GNA14: variants seen among roughly 807,000 people sequenced by gnomAD.
GNA14 encodes G protein subunit alpha 14.
GNA14 carries 50 observed loss-of-function variants against 42.0 expected under a neutral mutation model. The ratio of observed to expected loss-of-function variants is 1.19; its 90% confidence interval spans 0.95 to 1.51. The LOEUF is 1.51. GNA14 is among the 40% of genes most tolerant of loss of function. GNA14 has a pLI of 0.00. For synonymous variants in GNA14, 173 were observed against 163.1 expected, an observed-to-expected ratio of 1.06 and a Z score of -0.46; for missense variants, 473 against 446.2, an observed-to-expected ratio of 1.06 and a Z score of -0.54.
chr9:77,574,996 G>C (rs1310398014), intron 1 of GNA14, among the ~76,000 whole-genome samples: 1 of 152,194 alleles, frequency 6.6e-6, no homozygotes, highest in East Asian at 1.9e-4. Context: ...TACCCTGTAG[G>C]GGGGAAGTAA....
intron 1 of GNA14, among the ~76,000 whole-genome samples, chr9:77,645,863 G>A (rs1301156746): frequency 6.6e-6 from 1 of 152,098 alleles, no homozygotes; most frequent in Non-Finnish European, 1.5e-5. Context: ...AAATGAAATA[G>A]GGTTCAGCCT....
chr9:77,455,655 T>A (rs1835986209), intron 2 of GNA14, among the ~76,000 whole-genome samples: 1 of 152,240 alleles, frequency 6.6e-6, no homozygotes, highest in Non-Finnish European at 1.5e-5. Context: ...TTACTGTCTC[T>A]GTTCACATGA....
At chr9:77,429,114 G>A in intron 4 of GNA14, 78 bp from the exon 5 acceptor site, 1 of 1,386,748 alleles carries the variant, frequency 7.2e-7, no homozygotes, top group Non-Finnish European at 1.0e-6. Flanking sequence ...ATTATAGCAT[G>A]GAAACCAGTG....
chr9:77,623,406 G>A (rs1823964486), intron 1 of GNA14, among the ~76,000 whole-genome samples: 2 of 152,014 alleles, frequency 1.3e-5, no homozygotes, highest in African/African-American at 2.4e-5. Flanking sequence ...TTGAATTTTT[G>A]TAAGCCCCAT....
chr9:77,545,202 C>T (rs1837706039), intron 1 of GNA14, among the ~76,000 whole-genome samples: 1 of 152,198 alleles, frequency 6.6e-6, no homozygotes, highest in Non-Finnish European at 1.5e-5. Context: ...ACCTAAACCA[C>T]CTTCCTATCC....
chr9:77,623,981 C>T (rs566703351), intron 1 of GNA14, among the ~76,000 whole-genome samples: 1 of 152,296 alleles, frequency 6.6e-6, no homozygotes, highest in Non-Finnish European at 1.5e-5. Context: ...CTCAGAGGAT[C>T]CCACCCTCAT....
At chr9:77,461,017 A>G (rs1481693338) in intron 2 of GNA14, among the ~76,000 whole-genome samples, 1 of 152,218 alleles carries the variant, frequency 6.6e-6, no homozygotes, top group African/African-American at 2.4e-5. Context: ...CTCTAACTCA[A>G]TTTATCTAAG....
chr9:77,609,795 G>A (rs1564065898), intron 1 of GNA14, among the ~76,000 whole-genome samples: 1 of 152,162 alleles, frequency 6.6e-6, no homozygotes, highest in Non-Finnish European at 1.5e-5. Flanking sequence ...TTGAACAAAT[G>A]TGATTTAAAA....
intron 1 of GNA14, among the ~76,000 whole-genome samples, chr9:77,551,862 AGGCGC>A (rs1188422165): frequency 6.6e-6 from 1 of 152,108 alleles, no homozygotes; most frequent in Non-Finnish European, 1.5e-5. Flanking sequence ...AAATTTGGCC[AGGCGC>A]GGTAGCTCAT....
chr9:77,441,942 TTTTCCTATAGAAAATAAACAAGGAAC>T (rs1233460880), intron 2 of GNA14, among the ~76,000 whole-genome samples: 2 of 152,160 alleles, frequency 1.3e-5, no homozygotes, highest in Non-Finnish European at 2.9e-5. Flanking sequence ...AGAAAGGAGT[TTTTCCTATAGAAAATAAACAAGGAAC>T]TTCTGCTTCA....
chr9:77,531,475 C>T (rs778888044), intron 1 of GNA14, among the ~76,000 whole-genome samples: 3 of 152,182 alleles, frequency 2.0e-5, no homozygotes, highest in Non-Finnish European at 2.9e-5. Flanking sequence ...GCTCTCTACT[C>T]CTGCAGCATC....
intron 2 of GNA14, among the ~76,000 whole-genome samples, chr9:77,495,274 A>C (rs557991850): frequency 7.2e-5 from 11 of 152,266 alleles, no homozygotes; most frequent in African/African-American, 2.6e-4. Flanking sequence ...TCCAAAAAAA[A>C]AAGCCCTGAA....
intron 1 of GNA14, among the ~76,000 whole-genome samples, chr9:77,567,292 G>T (rs1169696731): frequency 6.6e-6 from 1 of 152,012 alleles, no homozygotes; most frequent in African/African-American, 2.4e-5. Flanking sequence ...CATGATTCAT[G>T]TTCCAAGGTT....
At chr9:77,610,818 A>C (rs79771835) in intron 1 of GNA14, among the ~76,000 whole-genome samples, 1,565 of 152,282 alleles carry the variant, frequency 0.01, 32 homozygotes, top group African/African-American at 0.036. Context: ...AGATGTAAGA[A>C]GACTGGATCT....
intron 1 of GNA14, among the ~76,000 whole-genome samples, chr9:77,625,549 C>T (rs944605516): frequency 8.5e-5 from 13 of 152,192 alleles, no homozygotes; most frequent in African/African-American, 3.1e-4. Context: ...AGCAGAAACT[C>T]TATAAGCCAA....
chr9:77,528,857 T>C (rs1837482766), intron 2 of GNA14, among the ~76,000 whole-genome samples: 1 of 152,104 alleles, frequency 6.6e-6, no homozygotes. Context: ...CCCTGCACAC[T>C]GGGTAGCCTC....
At chr9:77,586,043 A>G (rs1027448867) in intron 1 of GNA14, among the ~76,000 whole-genome samples, 8 of 152,010 alleles carry the variant, frequency 5.3e-5, no homozygotes, top group African/African-American at 1.9e-4. Context: ...TTCTGACCTG[A>G]GTGTTCGCCA....
At chr9:77,477,520 C>T (rs1217279657) in intron 2 of GNA14, among the ~76,000 whole-genome samples, 1 of 152,144 alleles carries the variant, frequency 6.6e-6, no homozygotes, top group East Asian at 1.9e-4. Flanking sequence ...CTAATAATTA[C>T]AGGCATTTGA....
chr9:77,549,396 A>C (rs1390099668), intron 1 of GNA14, among the ~76,000 whole-genome samples: 3 of 152,124 alleles, frequency 2.0e-5, no homozygotes, highest in African/African-American at 4.8e-5. Context: ...CATGAATTCT[A>C]ACACCCTGTG....
Sources: allele counts gnomAD v4.1 joint callset (sites outside exome capture counted in the v4.1 genomes callset), GRCh38; gene constraint gnomAD v4.1.1; transcripts MANE v1.5; gene names NCBI Gene and HGNC (gene_info 2026-07-23, HGNC 2026-07-21).